The following ACBD6 variants were observed in gnomAD, a reference collection of about 807,000 sequenced individuals.
The protein encoded by ACBD6 is acyl-CoA-binding domain-containing protein 6.
Under a neutral mutation model 37.2 loss-of-function variants are expected in ACBD6, and 28 were observed. The ratio of observed to expected loss-of-function variants is 0.75; its 90% CI spans 0.56 to 1.03. The LOEUF (loss-of-function observed/expected upper bound fraction) is 1.03. Among genes scored for constraint, ACBD6 ranks in the 50% least tolerant of loss-of-function variants. The pLI, the probability that ACBD6 is intolerant of heterozygous loss-of-function variation, is 0.00. For synonymous variants in ACBD6, 113 were observed against 126.8 expected (o/e 0.89, Z 0.73); for missense variants, 340 against 337.4 (o/e 1.01, Z -0.06).
At chr1:180,465,627 G>C (rs1426227696) in intron 3 of ACBD6, among the ~76,000 whole-genome samples, 1 of 152,100 alleles carries the variant, frequency 6.6e-6, no homozygotes, top group Admixed American at 6.6e-5. Context: ...GCTGAAAACA[G>C]AACTACCATT....
At chr1:180,460,349 C>T (rs1396535445) in intron 3 of ACBD6, among the ~76,000 whole-genome samples, 1 of 152,086 alleles carries the variant, frequency 6.6e-6, no homozygotes, top group African/African-American at 2.4e-5. Context: ...TTCCAGCCTC[C>T]AGGCTTTGGA....
At chr1:180,320,572 G>A (rs1410329021) in intron 6 of ACBD6, among the ~76,000 whole-genome samples, 1 of 152,170 alleles carries the variant, frequency 6.6e-6, no homozygotes, top group Non-Finnish European at 1.5e-5. Context: ...CTGGGAGGTA[G>A]GGGTTGCAGT....
At chr1:180,334,706 C>T (rs979597969) in intron 6 of ACBD6, among the ~76,000 whole-genome samples, 1 of 152,070 alleles carries the variant, frequency 6.6e-6, no homozygotes, top group African/African-American at 2.4e-5. Context: ...GACGATCAAA[C>T]TACTTTGAGC....
chr1:180,389,249 G>C (rs953766040), intron 6 of ACBD6, among the ~76,000 whole-genome samples: 4 of 152,194 alleles, frequency 2.6e-5, no homozygotes, highest in Non-Finnish European at 4.4e-5. Context: ...AGAACATGCG[G>C]AGTTTGGTTT....
At chr1:180,269,752 G>A (rs976940629) in exon 14 of ACBD6, 3 of 152,180 alleles carry the variant, frequency 2.0e-5, no homozygotes, top group Admixed American at 1.3e-4. Flanking sequence ...AGACACTCCC[G>A]TGTAGACTAT....
intron 1 of ACBD6, among the ~76,000 whole-genome samples, chr1:180,496,825 C>T (rs986088667): frequency 3.3e-5 from 5 of 152,132 alleles, no homozygotes; most frequent in East Asian, 1.9e-4. Context: ...TGAACAATCA[C>T]GATAGACCAA....
intron 3 of ACBD6, among the ~76,000 whole-genome samples, chr1:180,450,372 G>A (rs1215423001): frequency 6.6e-6 from 1 of 152,220 alleles, no homozygotes; most frequent in Admixed American, 6.5e-5. Context: ...TGGGAAGGTA[G>A]TGGGACTTGA....
intron 7 of ACBD6, among the ~76,000 whole-genome samples, chr1:180,293,902 C>CTT (rs111680045): frequency 0.02 from 2,933 of 147,836 alleles, 96 homozygotes; most frequent in African/African-American, 0.068. Context: ...CTTCTATTTC[C>CTT]TTTTTTTTTT....
intron 3 of ACBD6, among the ~76,000 whole-genome samples, chr1:180,484,268 A>G (rs1036536440): frequency 5.1e-4 from 75 of 147,786 alleles, no homozygotes; most frequent in African/African-American, 1.7e-3. Flanking sequence ...AAGTTTTTAC[A>G]AAACTGCCTT....
chr1:180,313,930 C>A (rs570340913), intron 7 of ACBD6, among the ~76,000 whole-genome samples: 2 of 152,254 alleles, frequency 1.3e-5, no homozygotes, highest in East Asian at 1.9e-4. Flanking sequence ...TCTCTAAGAG[C>A]CATATTATTT....
chr1:180,337,865 CAA>C (rs1399847956), intron 6 of ACBD6, among the ~76,000 whole-genome samples: 2 of 152,152 alleles, frequency 1.3e-5, no homozygotes, highest in African/African-American at 4.8e-5. Context: ...CAATAACAGA[CAA>C]ACAGCCAAAT....
At chr1:180,385,590 G>A (rs556254392) in intron 6 of ACBD6, among the ~76,000 whole-genome samples, 1 of 151,738 alleles carries the variant, frequency 6.6e-6, no homozygotes, top group African/African-American at 2.4e-5. Context: ...ATAAAGGTGG[G>A]GCCTTAACGT....
downstream of ACBD6, among the ~76,000 whole-genome samples, chr1:180,285,215 A>G (rs1031851976): frequency 3.9e-5 from 6 of 152,222 alleles, no homozygotes; most frequent in East Asian, 7.7e-4. Flanking sequence ...TATAAGAAAC[A>G]TAAGTTTATG....
At chr1:180,276,900 T>G (rs1283433967) in intron 9 of ACBD6, 1 of 152,102 alleles carries the variant, frequency 6.6e-6, no homozygotes, top group African/African-American at 2.4e-5. Context: ...GACCAGTTTT[T>G]GTAAGTTAAT....
At chr1:180,375,882 C>T (rs188361883) in intron 6 of ACBD6, among the ~76,000 whole-genome samples, 6 of 152,034 alleles carry the variant, frequency 3.9e-5, no homozygotes, top group Admixed American at 2.0e-4. Flanking sequence ...ATACCATAAA[C>T]AAAATCAACA....
chr1:180,476,782 T>C (rs1650811716), intron 3 of ACBD6, among the ~76,000 whole-genome samples: 1 of 151,952 alleles, frequency 6.6e-6, no homozygotes, highest in Non-Finnish European at 1.5e-5. Flanking sequence ...GCTGAGATCA[T>C]GCCATTGCGC....
At chr1:180,488,616 C>A (rs1411123690) in intron 3 of ACBD6, among the ~76,000 whole-genome samples, 1 of 151,950 alleles carries the variant, frequency 6.6e-6, no homozygotes, top group African/African-American at 2.4e-5. Context: ...ACTCTGTCAC[C>A]CAGACTGGAG....
intron 3 of ACBD6, among the ~76,000 whole-genome samples, chr1:180,472,390 G>A (rs1650603493): frequency 6.6e-6 from 1 of 152,200 alleles, no homozygotes; most frequent in Non-Finnish European, 1.5e-5. Flanking sequence ...AGATGTAGCT[G>A]AAGTACTTCA....
At chr1:180,394,126 C>T (rs1336471743) in intron 6 of ACBD6, among the ~76,000 whole-genome samples, 1 of 152,170 alleles carries the variant, frequency 6.6e-6, no homozygotes, top group East Asian at 1.9e-4. Context: ...GGGTCTTATG[C>T]TCTGTCACCC....
Sources: allele counts gnomAD v4.1 joint callset (sites outside exome capture counted in the v4.1 genomes callset), GRCh38; gene constraint gnomAD v4.1.1; transcripts MANE v1.5; gene names NCBI Gene and HGNC (gene_info 2026-07-23, HGNC 2026-07-21).